Variants in DIS3L2 observed in about 807,000 individuals in gnomAD.
The protein encoded by DIS3L2 is DIS3-like exonuclease 2.
DIS3L2 carries 34 observed loss-of-function variants against 97.5 expected under a neutral mutation model. The ratio of observed to expected loss-of-function variants is 0.35; its 90% CI spans 0.27 to 0.46. The LOEUF is 0.46. DIS3L2 is among the 20% of genes least tolerant of loss of function. DIS3L2 has a pLI of 1.00. For synonymous variants in DIS3L2, 435 were observed against 445.2 expected (o/e 0.98, Z 0.29); for missense variants, 1,038 against 1,146.0 (o/e 0.91, Z 1.36).
chr2:232,329,861 G>A lies in DIS3L2; in HGVS notation c.1788G>A (p.Lys596=). 7.3e-7 allele frequency: 1 copy of A among 1,361,118 alleles called. No homozygotes were observed. Among genetic ancestry groups the A allele is most frequent in the Non-Finnish European group, 9.7e-7 (1 of 1,028,258 alleles). 84.3% of individuals were successfully genotyped at this position (1,361,118 alleles called of 1,614,324 possible). The change falls in exon 15 of 21, where the codon AAG becomes AAA. Residue 596 remains lysine (K), a synonymous_variant. Transcript: ENST00000325385. The stretch of plus-strand genomic sequence containing the variant: ...TGGCCAACATGGCAGTGGCCCACAA[G>A]ATCCACCGCGCCTTCCCCGAGCAGG... ...MLLANMAVAH[K]IHRAFPEQAL...
chr2:232,131,734 G>A (rs1202367093), intron 7 of DIS3L2: 17 of 152,010 alleles, frequency 1.1e-4, no homozygotes, highest in Non-Finnish European at 1.5e-5. Context: ...ACTCTACCAA[G>A]CAAGTTGATT....
intron 1 of DIS3L2, among the ~76,000 whole-genome samples, chr2:231,973,047 G>C (rs1241663415): frequency 1.3e-5 from 2 of 152,156 alleles, no homozygotes; most frequent in Non-Finnish European, 2.9e-5. Flanking sequence ...GAATGAATTG[G>C]AAAATGTTCC....
chr2:232,069,393 G>C (rs1459360888), intron 5 of DIS3L2, among the ~76,000 whole-genome samples: 48 of 152,178 alleles, frequency 3.2e-4, no homozygotes, highest in Admixed American at 3.1e-3. Context: ...GTAGGCTTCT[G>C]TGTATTGTTT....
intron 9 of DIS3L2, among the ~76,000 whole-genome samples, chr2:232,194,589 T>C (rs1691698067): frequency 6.6e-6 from 1 of 152,210 alleles, no homozygotes; most frequent in African/African-American, 2.4e-5. Flanking sequence ...GAGTATAATG[T>C]AATTGTACGT....
chr2:232,211,673 G>A (rs772764255), intron 10 of DIS3L2, among the ~76,000 whole-genome samples: 3 of 152,098 alleles, frequency 2.0e-5, no homozygotes, highest in Non-Finnish European at 4.4e-5. Flanking sequence ...TTAAAACATT[G>A]CAAAGATGTT....
chr2:232,311,360 A>T (rs1426175311), intron 14 of DIS3L2, among the ~76,000 whole-genome samples: 2 of 152,244 alleles, frequency 1.3e-5, no homozygotes, highest in Non-Finnish European at 2.9e-5. Flanking sequence ...TATGACATGC[A>T]TAGAGAAAAG....
At chr2:231,990,497 G>A (rs1009745927) in intron 1 of DIS3L2, among the ~76,000 whole-genome samples, 2 of 152,254 alleles carry the variant, frequency 1.3e-5, no homozygotes, top group African/African-American at 2.4e-5. Context: ...GACTTTAATC[G>A]TAGTAATAAA....
chr2:232,134,562 C>T (rs1698306225), intron 7 of DIS3L2, among the ~76,000 whole-genome samples: 2 of 152,118 alleles, frequency 1.3e-5, no homozygotes, highest in South Asian at 2.1e-4. Context: ...CAGTGGCTCA[C>T]GCCCATAATC....
chr2:232,089,841 G>A (rs902360360), intron 6 of DIS3L2, among the ~76,000 whole-genome samples: 6 of 152,164 alleles, frequency 3.9e-5, no homozygotes, highest in African/African-American at 1.4e-4. Context: ...TGGGTTGGAT[G>A]CTAACGGTTT....
chr2:232,133,624 C>T (rs1256444725), intron 7 of DIS3L2, among the ~76,000 whole-genome samples: 1 of 152,100 alleles, frequency 6.6e-6, no homozygotes, highest in Non-Finnish European at 1.5e-5. Flanking sequence ...CATAAAAGTG[C>T]TTCAATAAGC....
chr2:232,145,347 T>A (rs1690188709), intron 8 of DIS3L2, among the ~76,000 whole-genome samples: 1 of 152,202 alleles, frequency 6.6e-6, no homozygotes, highest in Admixed American at 6.5e-5. Flanking sequence ...AGTTAATTTT[T>A]ATACATTATC....
chr2:232,264,918 C>T (rs542436108), intron 13 of DIS3L2, among the ~76,000 whole-genome samples: 5 of 152,278 alleles, frequency 3.3e-5, no homozygotes, highest in African/African-American at 1.2e-4. Flanking sequence ...AGCCTGGGCT[C>T]GGGCAGCCTG....
At chr2:232,096,399 T>A (rs1293434465) in intron 6 of DIS3L2, among the ~76,000 whole-genome samples, 2 of 152,160 alleles carry the variant, frequency 1.3e-5, no homozygotes, top group Non-Finnish European at 2.9e-5. Flanking sequence ...TGGGGTAGTT[T>A]TCTTTTAGTT....
chr2:232,318,149 C>T (rs1294646180), intron 14 of DIS3L2, among the ~76,000 whole-genome samples: 1 of 152,246 alleles, frequency 6.6e-6, no homozygotes, highest in Non-Finnish European at 1.5e-5. Context: ...AGGCCAGAGG[C>T]CAGTAGTGGT....
chr2:232,339,300 G>A (rs1696056906), downstream of DIS3L2, among the ~76,000 whole-genome samples: 2 of 152,250 alleles, frequency 1.3e-5, no homozygotes, highest in Admixed American at 1.3e-4. Flanking sequence ...GGCGCCAGAG[G>A]AGGCGAGGCC....
At chr2:231,986,020 C>T (rs35166853) in intron 1 of DIS3L2, among the ~76,000 whole-genome samples, 9,913 of 152,236 alleles carry the variant, frequency 0.065, 449 homozygotes, top group Non-Finnish European at 0.091. Flanking sequence ...TTATTTTTTG[C>T]CCATGCTGGA....
intron 6 of DIS3L2, among the ~76,000 whole-genome samples, chr2:232,101,654 T>C (rs1357662540): frequency 6.6e-6 from 1 of 152,242 alleles, no homozygotes. Flanking sequence ...AAGTATACTT[T>C]AAGATCATTC....
chr2:232,173,305 G>C (rs1356932062), intron 9 of DIS3L2, among the ~76,000 whole-genome samples: 1 of 152,136 alleles, frequency 6.6e-6, no homozygotes, highest in Non-Finnish European at 1.5e-5. Context: ...TGCGAGCTCA[G>C]CTGCAACCTC....
At chr2:232,255,239 T>A (rs1693528499) in intron 12 of DIS3L2, among the ~76,000 whole-genome samples, 1 of 152,210 alleles carries the variant, frequency 6.6e-6, no homozygotes, top group Non-Finnish European at 1.5e-5. Flanking sequence ...CCGAAGCCTG[T>A]GTGGCCAAAG....
Sources: allele counts gnomAD v4.1 joint callset (sites outside exome capture counted in the v4.1 genomes callset), GRCh38; gene constraint gnomAD v4.1.1; transcripts MANE v1.5; gene names NCBI Gene and HGNC (gene_info 2026-07-23, HGNC 2026-07-21).